Variants in ZDHHC11 observed in about 807,000 individuals in gnomAD.
ZDHHC11 encodes the protein palmitoyltransferase ZDHHC11.
A neutral mutation model predicts 51.3 loss-of-function variants in ZDHHC11; 44 were observed. The ratio of observed to expected loss-of-function variants is 0.86; its 90% CI spans 0.67 to 1.10. The LOEUF (loss-of-function observed/expected upper bound fraction) is 1.10. Ranked by LOEUF, ZDHHC11 falls within the 50% of genes least tolerant of loss-of-function variation. ZDHHC11 has a pLI of 0.00. For synonymous variants in ZDHHC11, 163 were observed against 222.0 expected, an observed-to-expected ratio of 0.73 and a Z score of 2.36; for missense variants, 400 against 537.7, an observed-to-expected ratio of 0.74 and a Z score of 2.53.
chr5:828,253 A>T lies in ZDHHC11; in HGVS notation c.936-3002T>A, dbSNP rs1287960232. 4.0e-5 allele frequency among the ~76,000 whole-genome samples: 6 copies of T among 151,408 alleles called. No individual in the cohort carries two copies. The East Asian group carries it at 5.8e-4, about 15-fold the overall frequency. On this transcript the variant is annotated intron_variant, in intron 7 of 12. Coordinates refer to ENST00000283441, the MANE Select transcript of ZDHHC11 (RefSeq NM_024786.3). ...GCCCGTTCTCAGTGAGCTGTTGGGT[A>T]CACCTTCCAGACGGGGTGGTGGCCG...
intron 10 of ZDHHC11, among the ~76,000 whole-genome samples, chr5:815,071 A>G (rs1740601138): frequency 6.6e-6 from 1 of 151,300 alleles, no homozygotes; most frequent in South Asian, 2.1e-4. Context: ...GTCTTGAAAG[A>G]GGTAATGGAT....
chr5:817,988 C>T (rs1477671487), intron 10 of ZDHHC11, among the ~76,000 whole-genome samples: 2 of 151,216 alleles, frequency 1.3e-5, no homozygotes, highest in African/African-American at 4.8e-5. Context: ...AAGTCACGTG[C>T]ATTTTCAGAT....
chr5:831,485 ATG>A (rs1347823000), intron 7 of ZDHHC11, among the ~76,000 whole-genome samples: 1 of 149,018 alleles, frequency 6.7e-6, no homozygotes, highest in Non-Finnish European at 1.5e-5. Context: ...TGGGAGCCTG[ATG>A]CAGGATAATC....
At chr5:824,023 C>A (rs1357754704) in intron 8 of ZDHHC11, 1 of 454,236 alleles carries the variant, frequency 2.2e-6, no homozygotes, top group African/African-American at 2.0e-5. Flanking sequence ...CCAGGCTGGG[C>A]TGATCCCTTT....
chr5:840,203 T>C, intron 5 of ZDHHC11: 1 of 692,934 alleles, frequency 1.4e-6, no homozygotes, highest in Non-Finnish European at 2.6e-6. Flanking sequence ...CATTTTAAAC[T>C]TGTTACTTCA....
intron 4 of ZDHHC11, chr5:842,801 A>G: frequency 2.8e-6 from 2 of 722,832 alleles, no homozygotes; most frequent in Non-Finnish European, 3.4e-6. Context: ...CGCAGGGTCC[A>G]GGGAGGTCTT....
intron 11 of ZDHHC11, among the ~76,000 whole-genome samples, chr5:808,468 A>G (rs71593105): frequency 0.96 from 134,729 of 140,318 alleles, 64,890 homozygotes; most frequent in African/African-American, 0.99. Flanking sequence ...CCACTTCCAG[A>G]CTCCCTCACT....
chr5:852,270 G>A (rs1049325957), upstream of ZDHHC11, among the ~76,000 whole-genome samples: 2 of 152,094 alleles, frequency 1.3e-5, no homozygotes, highest in East Asian at 3.9e-4. Flanking sequence ...AGGAGAAGAG[G>A]GGAATCGCTC....
rs1743768299 is a variant in ZDHHC11, at chr5:835,885, T to G, written c.900+1480A>C. 2.6e-5 allele frequency among the ~76,000 whole-genome samples: 4 copies of G among 151,726 alleles called. No homozygotes were observed. In the South Asian group the frequency reaches 8.3e-4, roughly 32 times the overall value. On this transcript the variant is annotated intron_variant, in intron 6 of 12. Coordinates refer to ENST00000283441, the MANE Select transcript of ZDHHC11 (RefSeq NM_024786.3). Reference sequence around the variant, plus strand: ...TAAAAATATAACCCGGATTTTTCATTGCTGGTGGATAGAGATGTGCGAGCG... The same window carrying G: ...TAAAAATATAACCCGGATTTTTCATGGCTGGTGGATAGAGATGTGCGAGCG...
chr5:808,701 A>AT (rs1161740691), intron 11 of ZDHHC11, among the ~76,000 whole-genome samples: 6,013 of 129,100 alleles, frequency 0.047, 233 homozygotes, highest in Middle Eastern at 0.13. Flanking sequence ...AACCTAGCTA[A>AT]TTTTTTTTTT....
At chr5:806,961 T>C (rs1280166940) in intron 11 of ZDHHC11, among the ~76,000 whole-genome samples, 1 of 151,096 alleles carries the variant, frequency 6.6e-6, no homozygotes, top group Non-Finnish European at 1.5e-5. Context: ...CTGGACATTC[T>C]AGCAATTGCA....
At position 831,200 on chromosome 5, in the gene ZDHHC11, C is replaced by T. The variant is rs184096934; in HGVS notation, c.935+2573G>A. 1.7e-4 allele frequency among the ~76,000 whole-genome samples: 25 copies of T among 149,438 alleles called. 5 individuals are homozygous for T. The highest frequency in any genetic ancestry group is 2.1e-4 in the South Asian group (1 of 4,730). On this transcript the variant is annotated intron_variant, in intron 7 of 12. Coordinates refer to ENST00000283441, the MANE Select transcript of ZDHHC11 (RefSeq NM_024786.3). The stretch of plus-strand genomic sequence containing the variant: ...TAATAAGCAGACTAAATAGAACCCA[C>T]GGAAAGGAAGAAAATATTAACAATC...
At chr5:836,092 G>A (rs1240437885) in intron 6 of ZDHHC11, among the ~76,000 whole-genome samples, 1 of 150,352 alleles carries the variant, frequency 6.7e-6, no homozygotes, top group East Asian at 1.9e-4. Context: ...TCAGAAGTAG[G>A]AGGAAAGGGC....
At chr5:814,737 T>C (rs370573755) in intron 11 of ZDHHC11, 24 bp downstream of exon 11, 25 of 1,548,346 alleles carry the variant, frequency 1.6e-5, no homozygotes, top group Non-Finnish European at 2.2e-5. Flanking sequence ...AGACAAAACG[T>C]TCCCGTTAAA....
At chr5:853,347 G>GCA (rs1303967954), upstream of ZDHHC11, among the ~76,000 whole-genome samples, 1 of 146,506 alleles carries the variant, frequency 6.8e-6, no homozygotes, top group Non-Finnish European at 1.5e-5. Context: ...AGGACAGCGA[G>GCA]TCGGGGGTAC....
intron 8 of ZDHHC11, chr5:823,638 A>G (rs539151628): frequency 5.9e-6 from 1 of 170,742 alleles, no homozygotes; most frequent in Non-Finnish European, 1.3e-5. Context: ...GATGTGAACA[A>G]TGAACGACGG....
chr5:841,475 T>A (rs1401867971), intron 4 of ZDHHC11: 1 of 987,858 alleles, frequency 1.0e-6, no homozygotes, highest in Non-Finnish European at 1.2e-6. Flanking sequence ...CCTTCCTCAC[T>A]AAGTGCCAGG....
chr5:811,620 A>G (rs200546883), intron 11 of ZDHHC11, among the ~76,000 whole-genome samples: 17,578 of 124,004 alleles, frequency 0.14, 2,144 homozygotes, highest in East Asian at 0.31. Flanking sequence ...CCACCTGGGG[A>G]AGACTGACTT....
rs1226995184 is a variant in ZDHHC11, at chr5:838,751, TC to T, written c.785-1272del. Among the ~76,000 whole-genome samples the T allele has an allele frequency of 5.3e-5, 8 of 152,148 alleles. No individual in the cohort carries two copies. The East Asian group carries it at 1.5e-3, about 29-fold the overall frequency. On this transcript the variant is annotated intron_variant, in intron 5 of 12. Coordinates refer to ENST00000283441, the MANE Select transcript of ZDHHC11 (RefSeq NM_024786.3). Reference sequence around the variant, plus strand: ...CTGGCTCAGAGGACAGACCAGGTCATCCCTCCCAGCCCCGCATGGCTTCAGG... The same window carrying T: ...CTGGCTCAGAGGACAGACCAGGTCATCCTCCCAGCCCCGCATGGCTTCAGG...
Sources: allele counts gnomAD v4.1 joint callset (sites outside exome capture counted in the v4.1 genomes callset), GRCh38; gene constraint gnomAD v4.1.1; transcripts MANE v1.5; gene names NCBI Gene and HGNC (gene_info 2026-07-23, HGNC 2026-07-21).